ITPR2: variants seen among roughly 807,000 people sequenced by gnomAD.
ITPR2 encodes inositol 1,4,5-trisphosphate receptor type 2.
A neutral mutation model predicts 317.1 loss-of-function variants in ITPR2; 207 were observed. That is an observed-to-expected ratio of 0.65 (90% CI 0.58 to 0.73). ITPR2 has a LOEUF of 0.73. Among genes scored for constraint, ITPR2 ranks in the 30% least tolerant of loss-of-function variants. The pLI, the probability that ITPR2 is intolerant of heterozygous loss-of-function variation, is 0.00. For synonymous variants in ITPR2, 1,156 were observed against 1,149.1 expected, an observed-to-expected ratio of 1.01 and a Z score of -0.12; for missense variants, 2,613 against 3,284.0, an observed-to-expected ratio of 0.80 and a Z score of 4.99.
chr12:26,522,577 T>G (rs1247462745), intron 37 of ITPR2, among the ~76,000 whole-genome samples: 3 of 152,220 alleles, frequency 2.0e-5, no homozygotes, highest in Admixed American at 1.3e-4. Flanking sequence ...TGCTTCTTGA[T>G]GCATCCATTT....
Position 26,561,697 on chromosome 12 carries a change from G to A in ITPR2, c.4821+65C>T, listed in dbSNP as rs944148945. 1.4e-5 allele frequency: 18 copies of A among 1,257,120 alleles called. No homozygotes were observed. The African/African-American group carries it at 2.4e-4, about 17-fold the overall frequency. 77.9% of individuals were successfully genotyped at this position (1,257,120 alleles called of 1,614,324 possible). A position where few individuals can be genotyped will look rare whatever the true frequency, so the allele number is the denominator to read the frequency against. On this transcript the variant is annotated intron_variant, in intron 35 of 56. Coordinates refer to ENST00000381340, the MANE Select transcript of ITPR2 (RefSeq NM_002223.4). The stretch of plus-strand genomic sequence containing the variant: ...ATATTTTAAACCATATTTTATTTAT[G>A]TGACTACATATTTTTAAAAAATATA...
intron 2 of ITPR2, among the ~76,000 whole-genome samples, chr12:26,782,071 G>GAGAGAGAGCGAGCA (rs1555190877): frequency 1.9e-5 from 2 of 105,652 alleles, no homozygotes; most frequent in African/African-American, 6.5e-5. Flanking sequence ...GAGAGAGAGA[G>GAGAGAGAGCGAGCA]AGCGAGAGAG....
intron 54 of ITPR2, among the ~76,000 whole-genome samples, chr12:26,398,150 C>T (rs140266626): frequency 5.5e-4 from 83 of 151,406 alleles, no homozygotes; most frequent in Admixed American, 1.6e-3. Flanking sequence ...GGGCCGGGTG[C>T]GGTGGCTTAC....
chr12:26,402,179 A>G (rs183654012), intron 52 of ITPR2, among the ~76,000 whole-genome samples: 10 of 152,302 alleles, frequency 6.6e-5, no homozygotes, highest in Admixed American at 3.9e-4. Flanking sequence ...TGCCAACATG[A>G]TGGCTGAGAA....
At position 26,413,631 on chromosome 12, in the gene ITPR2, T is replaced by A. The variant is rs561240961; in HGVS notation, c.7306+1672A>T. Among the ~76,000 whole-genome samples, 8 of 152,276 alleles carry A rather than the reference T, an allele frequency of 5.3e-5. No homozygotes were observed. The South Asian group carries it at 1.2e-3, about 24-fold the overall frequency. On this transcript the variant is annotated intron_variant, in intron 51 of 56. Transcript: ENST00000381340. Reference sequence around the variant, plus strand: ...CTATGAAACAAACACTCTTAATATATGAATAATCAAGGGTTTAACTTTGTT... The same window carrying A: ...CTATGAAACAAACACTCTTAATATAAGAATAATCAAGGGTTTAACTTTGTT...
intron 55 of ITPR2, among the ~76,000 whole-genome samples, chr12:26,364,583 T>A (rs1938945716): frequency 6.6e-6 from 1 of 152,166 alleles, no homozygotes; most frequent in Non-Finnish European, 1.5e-5. Flanking sequence ...CATCTGTTTA[T>A]CTCGGTCTGG....
intron 10 of ITPR2, among the ~76,000 whole-genome samples, chr12:26,691,021 GT>G (rs1948230239): frequency 6.6e-6 from 1 of 152,206 alleles, no homozygotes; most frequent in Non-Finnish European, 1.5e-5. Context: ...ATGTTTAGAA[GT>G]TTTTTAAAAC....
At chr12:26,411,951 T>C (rs1484680873) in intron 51 of ITPR2, among the ~76,000 whole-genome samples, 1 of 152,220 alleles carries the variant, frequency 6.6e-6, no homozygotes, top group Non-Finnish European at 1.5e-5. Flanking sequence ...TCCCCAGGAA[T>C]CCATCTGCTT....
rs1461576292 is a variant in ITPR2 at position 26,415,457 on chromosome 12, G to T, written c.7152C>A (p.Val2384=). 6.2e-7 allele frequency: 1 copy of T among 1,609,834 alleles called. No homozygotes were observed. Among genetic ancestry groups the T allele is most frequent in the Non-Finnish European group, 8.5e-7 (1 of 1,177,752 alleles). The part of the protein sequence containing the change: ...LVYREETLLN[V]IKSVTRNGRS... ...GGCCATTTCGTGTGACACTTTTTAT[G>T]ACATTCAGCAAAGTCTCTTCCCTGT... Residue 2384 remains valine, a synonymous_variant, in exon 51 of 57, where the codon GTC becomes GTA. Coordinates refer to ENST00000381340, the MANE Select transcript of ITPR2 (RefSeq NM_002223.4).
intron 37 of ITPR2, among the ~76,000 whole-genome samples, chr12:26,548,315 T>C (rs1565595707): frequency 6.6e-6 from 1 of 152,122 alleles, no homozygotes; most frequent in Non-Finnish European, 1.5e-5. Context: ...TATAGGTACA[T>C]TGAGTAACAC....
At chr12:26,414,050 T>TCACACACACACACACACACACACAC (rs1555121666) in intron 51 of ITPR2, among the ~76,000 whole-genome samples, 1 of 138,114 alleles carries the variant, frequency 7.2e-6, no homozygotes, top group African/African-American at 2.8e-5. Flanking sequence ...TGTATATATG[T>TCACACACACACACACACACACACAC]ACACACACAC....
At chr12:26,344,342 A>C (rs529945688) in intron 55 of ITPR2, among the ~76,000 whole-genome samples, 7 of 152,204 alleles carry the variant, frequency 4.6e-5, no homozygotes, top group South Asian at 2.1e-4. Flanking sequence ...TTGTTGGGGC[A>C]GGGGGATTTG....
chr12:26,567,978 T>TTATATATATATATATATTATATATATTA (rs1945030992), intron 34 of ITPR2, among the ~76,000 whole-genome samples: 5 of 27,168 alleles, frequency 1.8e-4, no homozygotes, highest in South Asian at 9.3e-4. Context: ...ATTATATATA[T>TTATATATATATATATATTATATATATTA]TATATATATA....
intron 45 of ITPR2, among the ~76,000 whole-genome samples, chr12:26,471,093 C>T (rs552177346): frequency 2.0e-5 from 3 of 152,276 alleles, no homozygotes; most frequent in East Asian, 1.9e-4. Context: ...TCTCTCTTGC[C>T]TTATGATCCA....
At chr12:26,586,290 A>G (rs528719897) in intron 32 of ITPR2, among the ~76,000 whole-genome samples, 87 of 152,030 alleles carry the variant, frequency 5.7e-4, no homozygotes, top group African/African-American at 2.0e-3. Flanking sequence ...GACTACAGGC[A>G]TATACCACCA....
intron 37 of ITPR2, among the ~76,000 whole-genome samples, chr12:26,532,058 G>T (rs866035565): frequency 6.6e-6 from 1 of 152,116 alleles, no homozygotes; most frequent in Non-Finnish European, 1.5e-5. Context: ...TTTGTGAAAG[G>T]ATATTTACAA....
chr12:26,616,012 T>C (rs1421957631), intron 26 of ITPR2, among the ~76,000 whole-genome samples: 1 of 152,260 alleles, frequency 6.6e-6, no homozygotes, highest in African/African-American at 2.4e-5. Flanking sequence ...CAAACCTCAA[T>C]GAATTTTGGA....
chr12:26,477,804 C>A (rs1942452310), intron 43 of ITPR2, among the ~76,000 whole-genome samples: 1 of 152,040 alleles, frequency 6.6e-6, no homozygotes, highest in Admixed American at 6.6e-5. Context: ...AGCACAATAT[C>A]CTAAACATTT....
chr12:26,827,578 G>A (rs920013833), intron 1 of ITPR2, among the ~76,000 whole-genome samples: 4 of 152,066 alleles, frequency 2.6e-5, no homozygotes, highest in African/African-American at 9.7e-5. Context: ...ATTACCTTAT[G>A]GCAGAAATTC....
Sources: gnomAD v4.1 joint callset for allele counts (sites outside exome capture counted in the v4.1 genomes callset) on GRCh38, gnomAD v4.1.1 for gene constraint, MANE v1.5 for transcripts, NCBI Gene and HGNC (gene_info 2026-07-23, HGNC 2026-07-21) for gene names.